Variants in CACNA1E observed in about 807,000 individuals in gnomAD.
The protein encoded by CACNA1E is calcium voltage-gated channel subunit alpha1 E.
CACNA1E carries 40 observed loss-of-function variants against 259.2 expected under a neutral mutation model. That is an observed-to-expected ratio of 0.15 (90% CI 0.12 to 0.20). CACNA1E has a LOEUF of 0.20. CACNA1E is among the 10% of genes least tolerant of loss of function. The pLI is 1.00. For missense variants in CACNA1E, 1,874 were observed against 3,040.1 expected (o/e 0.62, Z 9.02); for synonymous variants, 1,104 against 1,138.5 (o/e 0.97, Z 0.61).
intron 1 of CACNA1E, among the ~76,000 whole-genome samples, chr1:181,396,582 A>G (rs1656695285): frequency 6.6e-6 from 1 of 152,238 alleles, no homozygotes. Context: ...CTGATGAAGG[A>G]AGTGGTTTTT....
At chr1:181,564,412 CTGT>C (rs1393544655) in intron 3 of CACNA1E, among the ~76,000 whole-genome samples, 2 of 152,184 alleles carry the variant, frequency 1.3e-5, no homozygotes, top group African/African-American at 4.8e-5. Context: ...GCAGTTCTTA[CTGT>C]GAAAGTTTTA....
chr1:181,483,924 G>A lies in CACNA1E; in HGVS notation c.180G>A (p.Gln60=). The change falls in exon 1 of 48, where the codon CAG becomes CAA. Residue 60 remains glutamine, a synonymous_variant. Coordinates refer to ENST00000367573, the MANE Select transcript of CACNA1E (RefSeq NM_001205293.3). ...TGTACAACCCCATTCCCGTCCGGCAGAACTGTTTCACCGTCAACAGATCCC... is the reference window on the plus strand; with the variant it reads ...TGTACAACCCCATTCCCGTCCGGCAAAACTGTTTCACCGTCAACAGATCCC... ...MALYNPIPVR[Q]NCFTVNRSLF... 1 of 1,613,774 alleles carries A rather than the reference G, an allele frequency of 6.2e-7. No individual in the cohort carries two copies. Among genetic ancestry groups the A allele is most frequent in the Non-Finnish European group, 8.5e-7 (1 of 1,179,802 alleles).
chr1:181,502,393 T>G (rs1665325948), intron 1 of CACNA1E, among the ~76,000 whole-genome samples: 1 of 152,216 alleles, frequency 6.6e-6, no homozygotes. Context: ...TTTATTCCCT[T>G]TTCTGGGCTG....
Position 181,554,704 on chromosome 1 carries a change from G to A in CACNA1E, c.513-23062G>A, listed in dbSNP as rs10910956. 3.2e-3 allele frequency among the ~76,000 whole-genome samples: 487 copies of A among 152,054 alleles called. 1 individual carries two copies. The highest frequency in any genetic ancestry group is 5.6e-3 in the Non-Finnish European group (382 of 67,986). ...CGTTGCTCACACACTGTGTACTGAC[G>A]TACGGCTGAATTCTCCTGGGATTGA... On this transcript the variant is annotated intron_variant, in intron 3 of 47. Transcript: ENST00000367573.
chr1:181,480,483 C>T (rs186203245), upstream of CACNA1E, among the ~76,000 whole-genome samples: 26 of 152,320 alleles, frequency 1.7e-4, no homozygotes, highest in South Asian at 1.0e-3. Context: ...TCCAGTGTGT[C>T]GTCGCATTTG....
intron 1 of CACNA1E, among the ~76,000 whole-genome samples, chr1:181,395,688 G>A (rs888204878): frequency 2.0e-5 from 3 of 152,192 alleles, no homozygotes; most frequent in African/African-American, 7.2e-5. Context: ...GTTAAGAGCG[G>A]CATGAGGGCC....
chr1:181,787,545 C>T (rs184540919), intron 43 of CACNA1E, among the ~76,000 whole-genome samples: 244 of 152,324 alleles, frequency 1.6e-3, no homozygotes, highest in Admixed American at 2.7e-3. Flanking sequence ...TCCATTTACT[C>T]ATTGATTTTT....
At chr1:181,610,337 G>A (rs6700637) in intron 6 of CACNA1E, among the ~76,000 whole-genome samples, 4,674 of 152,192 alleles carry the variant, frequency 0.031, 199 homozygotes, top group African/African-American at 0.1. Flanking sequence ...GGTTGAGAAC[G>A]CTCCTCCCAA....
At chr1:181,597,497 A>G (rs16857780) in intron 6 of CACNA1E, among the ~76,000 whole-genome samples, 15,131 of 152,238 alleles carry the variant, frequency 0.099, 969 homozygotes, top group South Asian at 0.22. Flanking sequence ...AATACAGATG[A>G]AAGACAGGAA....
At chr1:181,533,849 A>G (rs1277333333) in intron 3 of CACNA1E, among the ~76,000 whole-genome samples, 1 of 151,888 alleles carries the variant, frequency 6.6e-6, no homozygotes, top group Non-Finnish European at 1.5e-5. Flanking sequence ...TAATTTTTTT[A>G]TTTCTAATAG....
At chr1:181,756,469 T>C in intron 29 of CACNA1E, among the ~76,000 whole-genome samples, 1 of 152,026 alleles carries the variant, frequency 6.6e-6, no homozygotes, top group East Asian at 1.9e-4. Flanking sequence ...AGCCTGAGGA[T>C]TGAGGGTTAA....
intron 7 of CACNA1E, among the ~76,000 whole-genome samples, chr1:181,672,906 C>T (rs868302429): frequency 2.6e-5 from 4 of 152,134 alleles, no homozygotes; most frequent in African/African-American, 4.8e-5. Context: ...CCCTGTCCTT[C>T]GGTCAGGGAG....
intron 1 of CACNA1E, among the ~76,000 whole-genome samples, chr1:181,411,043 G>A (rs532618018): frequency 6.6e-6 from 1 of 152,290 alleles, no homozygotes; most frequent in Non-Finnish European, 1.5e-5. Context: ...AGCATGTAGA[G>A]CACGGGACAC....
chr1:181,433,717 A>G (rs770855997), intron 2 of CACNA1E, among the ~76,000 whole-genome samples: 7 of 152,314 alleles, frequency 4.6e-5, no homozygotes, highest in African/African-American at 1.7e-4. Context: ...TACAGAATAT[A>G]TAGTTTTCTA....
rs1660640148 is a variant in CACNA1E, at chr1:181,783,906, C to T, written c.5470+122C>T. The T allele has an allele frequency of 2.1e-5, 13 of 618,392 alleles. No homozygotes were observed. The Admixed American group carries it at 3.2e-4, about 15-fold the overall frequency. The allele number at this position is 618,392 out of a possible 1,614,324, so 38.3% of individuals were successfully genotyped here. ...GTTAAGGACACAATAATGCAGTCAT[C>T]TGAACATCAAGTATCTGACTCAATA... is the stretch of plus-strand genomic sequence containing the variant. On this transcript the variant is annotated intron_variant, in intron 40 of 47. Coordinates refer to ENST00000367573, the MANE Select transcript of CACNA1E (RefSeq NM_001205293.3).
intron 3 of CACNA1E, 62 bp downstream of exon 3, chr1:181,511,572 G>T: frequency 6.3e-7 from 1 of 1,585,100 alleles, no homozygotes; most frequent in East Asian, 2.2e-5. Context: ...TCATGAGGTG[G>T]CTGGGGGCAG....
intron 12 of CACNA1E, 23 bp downstream of exon 12, chr1:181,718,190 C>G: frequency 8.2e-7 from 1 of 1,222,424 alleles, no homozygotes; most frequent in Non-Finnish European, 1.2e-6. Context: ...AAGCCTGCCT[C>G]TGCTCCTGCT....
intron 36 of CACNA1E, chr1:181,771,777 G>C: frequency 2.1e-6 from 1 of 481,000 alleles, no homozygotes; most frequent in East Asian, 3.3e-5. Flanking sequence ...CCACTTAAGG[G>C]CTGAAACCTT....
Position 181,337,751 on chromosome 1 carries a change from C to T in CACNA1E, c.-15+19628C>T, listed in dbSNP as rs56336829. ...ACATATATCACAATTTCTTTATCCA[C>T]TCATCCATCGGTAGACACTTAAGTT... On this transcript the variant is annotated intron_variant, in intron 1 of 11. Coordinates refer to the CACNA1E transcript ENST00000524607. Among the ~76,000 whole-genome samples the T allele has an allele frequency of 9.8e-3, 1,497 of 152,312 alleles. 33 individuals are homozygous for T. The highest frequency in any genetic ancestry group is 0.034 in the African/African-American group (1,428 of 41,558).
Sources: allele counts gnomAD v4.1 joint callset (sites outside exome capture counted in the v4.1 genomes callset), GRCh38; gene constraint gnomAD v4.1.1; transcripts MANE v1.5; gene names NCBI Gene and HGNC (gene_info 2026-07-23, HGNC 2026-07-21).